The following MIPOL1 variants were observed in gnomAD, a reference collection of about 807,000 sequenced individuals.
MIPOL1 encodes the protein mirror-image polydactyly 1.
MIPOL1 carries 57 observed loss-of-function variants against 60.9 expected under a neutral mutation model. The observed-to-expected ratio is 0.94, with a 90% CI of 0.76 to 1.17. The LOEUF is 1.17. Among genes scored for constraint, MIPOL1 ranks in the 50% most tolerant of loss-of-function variants. MIPOL1 has a pLI of 0.00. For missense variants in MIPOL1, 551 were observed against 511.6 expected (o/e 1.08, Z -0.74); for synonymous variants, 179 against 168.8 (o/e 1.06, Z -0.47).
chr14:37,377,808 T>A (rs1595487131), intron 10 of MIPOL1, among the ~76,000 whole-genome samples: 1 of 148,176 alleles, frequency 6.7e-6, no homozygotes, highest in Admixed American at 6.9e-5. Flanking sequence ...AGTGCAGTGG[T>A]ATGATCATAG....
chr14:37,497,523 A>G (rs1323124787), intron 11 of MIPOL1, among the ~76,000 whole-genome samples: 1 of 152,250 alleles, frequency 6.6e-6, no homozygotes, highest in Non-Finnish European at 1.5e-5. Flanking sequence ...CTTTATTTAA[A>G]TTGAGAACTT....
chr14:37,239,619 T>A, intron 1 of MIPOL1, among the ~76,000 whole-genome samples: 1 of 152,174 alleles, frequency 6.6e-6, no homozygotes, highest in East Asian at 1.9e-4. Flanking sequence ...TTCAAGGAAA[T>A]TTGTATGTAT....
At chr14:37,363,261 G>T (rs1595410771) in intron 9 of MIPOL1, among the ~76,000 whole-genome samples, 1 of 152,096 alleles carries the variant, frequency 6.6e-6, no homozygotes. Flanking sequence ...TCTACCTTTG[G>T]TCTCTGATGT....
chr14:37,303,029 A>G (rs551355207), intron 7 of MIPOL1, among the ~76,000 whole-genome samples: 26 of 152,056 alleles, frequency 1.7e-4, no homozygotes, highest in African/African-American at 6.3e-4. Context: ...TTTACATGCA[A>G]TTTATGTTCA....
intron 10 of MIPOL1, among the ~76,000 whole-genome samples, chr14:37,396,769 C>T (rs921712668): frequency 5.3e-5 from 8 of 152,004 alleles, no homozygotes; most frequent in African/African-American, 1.7e-4. Flanking sequence ...ATTCTATTGC[C>T]GAGACTTTCC....
chr14:37,478,165 G>A (rs998535728), intron 11 of MIPOL1, among the ~76,000 whole-genome samples: 1 of 152,140 alleles, frequency 6.6e-6, no homozygotes, highest in African/African-American at 2.4e-5. Context: ...CGTGCTTAAA[G>A]TGATGAAAAA....
chr14:37,298,503 A>G (rs2086009136), intron 7 of MIPOL1, among the ~76,000 whole-genome samples: 1 of 152,214 alleles, frequency 6.6e-6, no homozygotes, highest in Admixed American at 6.5e-5. Flanking sequence ...CCACCATCAG[A>G]GTGAACAGGC....
At chr14:37,454,982 G>A (rs919545034) in intron 11 of MIPOL1, among the ~76,000 whole-genome samples, 1 of 151,988 alleles carries the variant, frequency 6.6e-6, no homozygotes, top group Non-Finnish European at 1.5e-5. Context: ...TCCTTGAACT[G>A]CCTCTACATA....
chr14:37,435,858 C>T (rs1164984624), intron 11 of MIPOL1, among the ~76,000 whole-genome samples: 3 of 152,088 alleles, frequency 2.0e-5, no homozygotes, highest in African/African-American at 7.2e-5. Context: ...GTAACCTGCA[C>T]AAATTAAGCT....
intron 11 of MIPOL1, among the ~76,000 whole-genome samples, chr14:37,438,789 A>AT (rs1300786746): frequency 1.3e-5 from 2 of 152,068 alleles, no homozygotes; most frequent in Non-Finnish European, 2.9e-5. Flanking sequence ...ACGCCCTTTG[A>AT]TTTTTTTTGA....
intron 12 of MIPOL1, among the ~76,000 whole-genome samples, chr14:37,524,320 C>T (rs2095432321): frequency 6.6e-6 from 1 of 151,936 alleles, no homozygotes; most frequent in Admixed American, 6.6e-5. Flanking sequence ...GAAATAGTGA[C>T]ATGAGATAAA....
chr14:37,348,585 A>G (rs979484977), intron 9 of MIPOL1, among the ~76,000 whole-genome samples: 3 of 152,026 alleles, frequency 2.0e-5, no homozygotes, highest in African/African-American at 7.2e-5. Context: ...TGATCAGAAT[A>G]CCAACAAAAA....
chr14:37,434,347 G>T (rs2094128227), intron 11 of MIPOL1: 1 of 152,014 alleles, frequency 6.6e-6, no homozygotes, highest in African/African-American at 2.4e-5. Flanking sequence ...AGAAGTGTCT[G>T]TTCATATCCT....
intron 1 of MIPOL1, among the ~76,000 whole-genome samples, chr14:37,234,844 C>T (rs1421253342): frequency 6.6e-6 from 1 of 151,428 alleles, no homozygotes; most frequent in African/African-American, 2.4e-5. Context: ...GGCACGATCT[C>T]GACTCCATGC....
intron 10 of MIPOL1, among the ~76,000 whole-genome samples, chr14:37,391,341 A>T (rs1047740159): frequency 6.6e-6 from 1 of 151,764 alleles, no homozygotes; most frequent in Admixed American, 6.6e-5. Context: ...AGGAATTCAG[A>T]GCAGCCAGAA....
intron 10 of MIPOL1, among the ~76,000 whole-genome samples, chr14:37,415,345 G>A (rs550311771): frequency 5.9e-5 from 9 of 151,936 alleles, no homozygotes; most frequent in Non-Finnish European, 1.0e-4. Flanking sequence ...GATTTTGGCC[G>A]GGCATGGTGG....
chr14:37,345,835 A>T (rs2090909968), intron 9 of MIPOL1, among the ~76,000 whole-genome samples: 1 of 152,238 alleles, frequency 6.6e-6, no homozygotes, highest in Non-Finnish European at 1.5e-5. Flanking sequence ...GATATTTCAA[A>T]TTCTGAACTG....
Position 37,292,299 on chromosome 14 carries a change from T to C in MIPOL1, c.623+6852T>C, listed in dbSNP as rs368690658. On this transcript the variant is annotated intron_variant, in intron 7 of 12. Coordinates refer to ENST00000684589, the MANE Select transcript of MIPOL1 (RefSeq NM_001388067.1). Reference sequence around the variant, plus strand: ...AAATCATAGCACGTTGGTTGATGTTTTCTTGTTTTATTATGAACTAGTTTC... The same window carrying C: ...AAATCATAGCACGTTGGTTGATGTTCTCTTGTTTTATTATGAACTAGTTTC... Among the ~76,000 whole-genome samples the C allele has an allele frequency of 5.3e-5, 8 of 152,092 alleles. No individual in the cohort carries two copies. In the East Asian group the frequency reaches 1.6e-3, roughly 30 times the overall value.
intron 3 of MIPOL1, among the ~76,000 whole-genome samples, chr14:37,250,902 A>G (rs1973978119): frequency 6.6e-6 from 1 of 152,176 alleles, no homozygotes; most frequent in Non-Finnish European, 1.5e-5. Flanking sequence ...CGCTTCTGAA[A>G]TATTTTAAGT....
Sources: allele counts gnomAD v4.1 joint callset (sites outside exome capture counted in the v4.1 genomes callset), GRCh38; gene constraint gnomAD v4.1.1; transcripts MANE v1.5; gene names NCBI Gene and HGNC (gene_info 2026-07-23, HGNC 2026-07-21).